Variants in LOC122539214 observed in about 807,000 individuals in gnomAD.
chr19:52,679,643 C>T, the LOC122539214 span, among the ~76,000 whole-genome samples: 1 of 152,048 alleles, frequency 6.6e-6, no homozygotes, highest in African/African-American at 2.4e-5. Flanking sequence ...AGCATGACAG[C>T]TGGAAACACT....
the LOC122539214 span, chr19:52,652,714 T>A: frequency 1.5e-6 from 1 of 674,568 alleles, no homozygotes; most frequent in Non-Finnish European, 2.6e-6. Context: ...TTTGTGAGAA[T>A]CATTACATTT....
chr19:52,671,940 G>A, the LOC122539214 span, among the ~76,000 whole-genome samples: 1 of 152,094 alleles, frequency 6.6e-6, no homozygotes, highest in African/African-American at 2.4e-5. Context: ...ATATAACTAA[G>A]TTATAAAATT....
the LOC122539214 span, among the ~76,000 whole-genome samples, chr19:52,680,166 G>A: frequency 3.9e-5 from 6 of 152,066 alleles, no homozygotes; most frequent in South Asian, 1.0e-3. Flanking sequence ...ACAACAAGAG[G>A]GAAACTGTCT....
the LOC122539214 span, among the ~76,000 whole-genome samples, chr19:52,680,770 G>T: frequency 3.1e-3 from 433 of 140,514 alleles, no homozygotes; most frequent in Middle Eastern, 3.6e-3. Flanking sequence ...CCGCCACTAC[G>T]CCCGGCTAAT....
At chr19:52,670,115 C>G in the LOC122539214 span, among the ~76,000 whole-genome samples, 2 of 151,976 alleles carry the variant, frequency 1.3e-5, no homozygotes, top group Non-Finnish European at 2.9e-5. Flanking sequence ...ATTCCAATCA[C>G]CTGCTCCACC....
At chr19:52,680,570 T>C in the LOC122539214 span, among the ~76,000 whole-genome samples, 1 of 151,650 alleles carries the variant, frequency 6.6e-6, no homozygotes, top group Non-Finnish European at 1.5e-5. Flanking sequence ...ACATTTTTTC[T>C]CCACAGTTGT....
chr19:52,690,167 T>A, the LOC122539214 span, among the ~76,000 whole-genome samples: 9 of 128,988 alleles, frequency 7.0e-5, no homozygotes, highest in South Asian at 2.5e-4. Flanking sequence ...GGGAGGAGTC[T>A]GAAAATGATT....
chr19:52,660,522 G>A, the LOC122539214 span, among the ~76,000 whole-genome samples: 1 of 152,070 alleles, frequency 6.6e-6, no homozygotes. Context: ...GGATGCTGAG[G>A]CATGAGAATC....
the LOC122539214 span, among the ~76,000 whole-genome samples, chr19:52,676,260 G>A: frequency 1.3e-5 from 2 of 152,238 alleles, no homozygotes; most frequent in African/African-American, 4.8e-5. Context: ...CGGGATTGCA[G>A]ACGGAGTCTC....
At chr19:52,664,839 C>T in the LOC122539214 span, among the ~76,000 whole-genome samples, 1 of 152,032 alleles carries the variant, frequency 6.6e-6, no homozygotes, top group African/African-American at 2.4e-5. Flanking sequence ...CTCTATCTCA[C>T]TCTCCGTGTT....
chr19:52,687,592 AT>A, the LOC122539214 span, among the ~76,000 whole-genome samples: 729 of 20,716 alleles, frequency 0.035, 106 homozygotes, highest in African/African-American at 0.22. Context: ...ATATATATAT[AT>A]ATAATGTATA....
At chr19:52,682,543 T>C in the LOC122539214 span, among the ~76,000 whole-genome samples, 1 of 152,014 alleles carries the variant, frequency 6.6e-6, no homozygotes, top group East Asian at 1.9e-4. Context: ...TGGCAGTGCA[T>C]ACCTGTAGTC....
chr19:52,652,609 T>C, the LOC122539214 span: 4 of 445,722 alleles, frequency 9.0e-6, no homozygotes, highest in South Asian at 5.3e-5. Flanking sequence ...CTATGAACAA[T>C]GTCTGAAATA....
chr19:52,661,804 A>C, the LOC122539214 span, among the ~76,000 whole-genome samples: 50,243 of 151,986 alleles, frequency 0.33, 8,804 homozygotes, highest in East Asian at 0.56. Context: ...GTGGGGCTGC[A>C]ATGTCAAATG....
the LOC122539214 span, chr19:52,654,381 C>T: frequency 3.4e-4 from 396 of 1,168,270 alleles, 1 homozygote; most frequent in African/African-American, 4.4e-3. Flanking sequence ...ATGAGAACTC[C>T]GTCATGGATT....
the LOC122539214 span, among the ~76,000 whole-genome samples, chr19:52,687,782 G>A: frequency 6.8e-6 from 1 of 147,306 alleles, no homozygotes; most frequent in East Asian, 2.0e-4. Context: ...AGGAGATCAC[G>A]CCACTGCACT....
chr19:52,663,499 A>G, the LOC122539214 span, among the ~76,000 whole-genome samples: 2 of 152,216 alleles, frequency 1.3e-5, no homozygotes, highest in African/African-American at 2.4e-5. Flanking sequence ...GAAAATGTTT[A>G]CTTAGAGGCT....
chr19:52,677,137 A>AAG, the LOC122539214 span, among the ~76,000 whole-genome samples: 4 of 6,348 alleles, frequency 6.3e-4, no homozygotes, highest in African/African-American at 4.9e-3. Flanking sequence ...AAAAAAAAAG[A>AAG]AAAAAAGAAA....
At chr19:52,665,773 G>A in the LOC122539214 span, among the ~76,000 whole-genome samples, 1 of 152,126 alleles carries the variant, frequency 6.6e-6, no homozygotes, top group Non-Finnish European at 1.5e-5. Context: ...AGCAGCAGGG[G>A]CCTCATGCGT....
Sources: allele counts gnomAD v4.1 joint callset (sites outside exome capture counted in the v4.1 genomes callset), GRCh38; gene constraint gnomAD v4.1.1; transcripts MANE v1.5.